The following ECH1 variants were observed in gnomAD, a reference collection of about 807,000 sequenced individuals.
ECH1 encodes delta(3,5)-Delta(2,4)-dienoyl-CoA isomerase, mitochondrial.
Under a neutral mutation model 37.0 loss-of-function variants are expected in ECH1, and 30 were observed. The ratio of observed to expected loss-of-function variants is 0.81; its 90% confidence interval spans 0.61 to 1.10. The LOEUF (loss-of-function observed/expected upper bound fraction) is 1.10, where lower values mean the gene tolerates loss of function less well. Ranked by LOEUF, ECH1 falls within the 50% of genes least tolerant of loss-of-function variation. The probability of loss-of-function intolerance (pLI) is 0.00; values close to 1 mark genes in which losing one functional copy is unlikely to be tolerated. For missense variants in ECH1, 456 were observed against 441.6 expected (o/e 1.03, Z -0.29); for synonymous variants, 178 against 176.0 (o/e 1.01, Z -0.09).
intron 3 of ECH1, among the ~76,000 whole-genome samples, chr19:38,823,584 G>A (rs759734089): frequency 6.6e-6 from 1 of 152,122 alleles, no homozygotes; most frequent in African/African-American, 2.4e-5. Flanking sequence ...AGTTGGGAGC[G>A]TTGGTTTGCC....
chr19:38,831,428 G>T lies in ECH1; in HGVS notation c.141C>A (p.Leu47=). ...SAQEEASGVA[L]GEAPDHSYES... ...CATAGCTGTGGTCTGGGGCTTCACC[G>T]AGGGCTACTCCGGAAGCCTCCTCTT... The change falls in exon 2 of 10, where the codon CTC becomes CTA. Residue 47 remains leucine (L), a synonymous_variant. Coordinates refer to ENST00000221418, the MANE Select transcript of ECH1 (RefSeq NM_001398.3). 6.2e-7 allele frequency: 1 copy of T among 1,614,084 alleles called. No individual in the cohort carries two copies. The highest frequency in any genetic ancestry group is 8.5e-7 in the Non-Finnish European group (1 of 1,180,032).
chr19:38,826,530 T>C (rs1971740802), intron 3 of ECH1, among the ~76,000 whole-genome samples: 1 of 152,244 alleles, frequency 6.6e-6, no homozygotes, highest in African/African-American at 2.4e-5. Context: ...TGCAAGATCT[T>C]AGACTCATCA....
At chr19:38,818,264 C>A in intron 3 of ECH1, 2 of 985,422 alleles carry the variant, frequency 2.0e-6, no homozygotes, top group Non-Finnish European at 2.4e-6. Flanking sequence ...GTGAGCAATG[C>A]AGTCAATGGT....
chr19:38,826,129 TC>T (rs1971735517), intron 3 of ECH1, among the ~76,000 whole-genome samples: 1 of 152,228 alleles, frequency 6.6e-6, no homozygotes, highest in African/African-American at 2.4e-5. Context: ...GAGACTTTGC[TC>T]TTTTCACATG....
At chr19:38,827,506 C>A (rs1971756807) in intron 3 of ECH1, among the ~76,000 whole-genome samples, 2 of 152,004 alleles carry the variant, frequency 1.3e-5, no homozygotes, top group Admixed American at 1.3e-4. Context: ...AGCCTGAGGG[C>A]AGACTGAAAT....
At position 38,817,054 on chromosome 19, in the gene ECH1, G is replaced by A. The variant is rs1971587365; in HGVS notation, c.588+11C>T. 1.3e-6 allele frequency: 2 copies of A among 1,565,068 alleles called. No homozygotes were observed. The highest frequency in any genetic ancestry group is 1.7e-6 in the Non-Finnish European group (2 of 1,155,072). On this transcript the variant is annotated intron_variant, in intron 6 of 9. Transcript: ENST00000221418. ...CCCAGCTCTAAGCAGGAGCTCGGGAGGATGACTCACCTTCACCTGGAAGAA... is the reference window on the plus strand; with the variant it reads ...CCCAGCTCTAAGCAGGAGCTCGGGAAGATGACTCACCTTCACCTGGAAGAA...
Position 38,831,127 on chromosome 19 carries a change from A to C in ECH1, c.300T>G (p.Ala100=). ...CAGAGATCACCACCGCCCGACAGTC[A>C]GCGTCTCTCGAAATCTTGTTGAAGC... ...VECFNKISRD[A]DCRAVVISGA... is the part of the protein sequence containing the mutation. Residue 100 remains alanine (A), a synonymous_variant, in exon 3 of 10, where the codon GCT becomes GCG. Coordinates refer to ENST00000221418, the MANE Select transcript of ECH1 (RefSeq NM_001398.3). 1 of 1,614,150 alleles carries C rather than the reference A, an allele frequency of 6.2e-7. No homozygotes were observed. The highest frequency in any genetic ancestry group is 8.5e-7 in the Non-Finnish European group (1 of 1,180,028).
chr19:38,815,583 C>T lies in ECH1; in HGVS notation c.*30G>A, dbSNP rs746738057. On this transcript the variant is annotated 3_prime_UTR_variant, in exon 10 of 10. Transcript: ENST00000221418. Reference sequence around the variant, plus strand: ...TGGATGAGGCGGGACAAGGCCGGCCCCCTGGCTGGGGCCTGGGACGCGAGG... The same window carrying T: ...TGGATGAGGCGGGACAAGGCCGGCCTCCTGGCTGGGGCCTGGGACGCGAGG... 6.2e-7 allele frequency: 1 copy of T among 1,610,106 alleles called. No individual in the cohort carries two copies. Among genetic ancestry groups the T allele is most frequent in the Non-Finnish European group, 8.5e-7 (1 of 1,176,700 alleles).
At chr19:38,829,285 CAAA>C (rs35813067) in intron 3 of ECH1, among the ~76,000 whole-genome samples, 5,322 of 64,094 alleles carry the variant, frequency 0.083, 453 homozygotes, top group African/African-American at 0.27. Context: ...ACTCCTTCTC[CAAA>C]AAAAAAAAAA....
chr19:38,823,492 G>C (rs1971694814), intron 3 of ECH1, among the ~76,000 whole-genome samples: 1 of 152,176 alleles, frequency 6.6e-6, no homozygotes, highest in African/African-American at 2.4e-5. Flanking sequence ...CCAGTTAAAA[G>C]TGACTAGCAT....
intron 9 of ECH1, 63 bp from the exon 10 acceptor site, chr19:38,815,780 G>A: frequency 5.6e-6 from 9 of 1,613,634 alleles, no homozygotes; most frequent in South Asian, 5.5e-5. Context: ...TCAGGATAAA[G>A]CATGAGAGCA....
At position 38,831,416 on chromosome 19, in the gene ECH1, T is replaced by C. The variant is rs149384635; in HGVS notation, c.153A>G (p.Pro51=). Residue 51 remains proline, a synonymous_variant, in exon 2 of 10, where the codon CCA becomes CCG. Transcript: ENST00000221418. ...EASGVALGEA[P]DHSYESLRVT... ...CACGAAGGGACTCATAGCTGTGGTC[T>C]GGGGCTTCACCGAGGGCTACTCCGG... The C allele has an allele frequency of 8.5e-4, 1,375 of 1,613,918 alleles. 1 individual carries two copies. The highest frequency in any genetic ancestry group is 1.1e-3 in the Non-Finnish European group (1,310 of 1,180,024).
At position 38,815,585 on chromosome 19, in the gene ECH1, C is replaced by T. The variant is rs543365587; in HGVS notation, c.*28G>A. ...GATGAGGCGGGACAAGGCCGGCCCC[C>T]TGGCTGGGGCCTGGGACGCGAGGGC... On this transcript the variant is annotated 3_prime_UTR_variant, in exon 10 of 10. Coordinates refer to ENST00000221418, the MANE Select transcript of ECH1 (RefSeq NM_001398.3). The T allele has an allele frequency of 2.3e-5, 37 of 1,609,218 alleles. No homozygotes were observed. Among genetic ancestry groups the T allele is most frequent in the Admixed American group, 8.4e-5 (5 of 59,842 alleles).
Position 38,831,741 on chromosome 19 carries a change from A to G in ECH1, c.32T>C (p.Leu11Pro), listed in dbSNP as rs1195346197. Reference sequence around the variant, plus strand: ...CTCACGCCGGGTCAGTAGGTCGCGGAGTCTGCGAGAAGCCACTATCCCCGC... The same window carrying G: ...CTCACGCCGGGTCAGTAGGTCGCGGGGTCTGCGAGAAGCCACTATCCCCGC... MAAGIVASRR[L>P]RDLLTRRLTG... The change falls in exon 1 of 10, where the codon CTC (leucine) becomes CCC (proline). Residue 11 changes from leucine (L) to proline (P), a missense_variant. Physicochemically the swap from Leu to Pro is moderately conservative, Grantham distance 98. Transcript: ENST00000221418. The G allele has an allele frequency of 1.9e-6, 3 of 1,613,304 alleles. No homozygotes were observed. The highest frequency in any genetic ancestry group is 1.7e-4 in the Middle Eastern group (1 of 6,056).
chr19:38,831,033 C>T (rs1211016712), intron 3 of ECH1, 45 bp downstream of exon 3: 1 of 1,571,562 alleles, frequency 6.4e-7, no homozygotes, highest in Non-Finnish European at 8.8e-7. Context: ...TGTCTATTGC[C>T]AGGAGCTAGG....
rs762410107 is a variant in ECH1, at chr19:38,815,717, C to G, written c.883G>C (p.Ala295Pro). The change falls in exon 10 of 10, where the codon GCG becomes CCG. Residue 295 changes from alanine to proline, a missense_variant and splice_region_variant. Transcript: ENST00000221418. ...TGCAGCATGCTCATGTTCCAGGACG[C>G]CTGGTACCGAGGGTGTTGAGAGAGA... The part of the protein sequence containing the change: ...HSVAESLNYV[A>P]SWNMSMLQTQ... 9 of 1,613,960 alleles carry G rather than the reference C, an allele frequency of 5.6e-6. No individual in the cohort carries two copies. In the Admixed American group the frequency reaches 8.3e-5, roughly 15 times the overall value.
At position 38,817,320 on chromosome 19, in the gene ECH1, G is replaced by A; in HGVS notation, c.519C>T (p.Gly173=). The change falls in exon 5 of 10, where the codon GGC becomes GGT. Residue 173 remains glycine, a synonymous_variant. Transcript: ENST00000221418. The part of the protein sequence containing the change: ...VIAAVHGGCI[G]GGVDLVTACD... The stretch of plus-strand genomic sequence containing the variant: ...GGAGGATAGCCGCAGACTCACCTCC[G>A]CCAATGCAGCCCCCATGGACGGCAG... The A allele has an allele frequency of 3.8e-6, 6 of 1,559,756 alleles. No homozygotes were observed. The highest frequency in any genetic ancestry group is 1.3e-5 in the African/African-American group (1 of 74,166).
At position 38,831,068 on chromosome 19, in the gene ECH1, C is replaced by T. The variant is rs1443912441; in HGVS notation, c.349+10G>A. On this transcript the variant is annotated intron_variant, in intron 3 of 9. Transcript: ENST00000221418. ...GAAGGCTGGCAGGGTGTGTGAAGAG[C>T]GTCTGGTACCTGCAGTGAACATTTT... is the stretch of plus-strand genomic sequence containing the variant. 1 of 1,613,040 alleles carries T rather than the reference C, an allele frequency of 6.2e-7. No homozygotes were observed. The highest frequency in any genetic ancestry group is 1.6e-4 in the Middle Eastern group (1 of 6,062).
chr19:38,817,043 G>A, intron 6 of ECH1, 22 bp downstream of exon 6: 1 of 1,559,956 alleles, frequency 6.4e-7, no homozygotes, highest in Middle Eastern at 1.7e-4. Flanking sequence ...GCTCTAAGCA[G>A]GAGCTCGGGA....
Sources: gnomAD v4.1 joint callset for allele counts (sites outside exome capture counted in the v4.1 genomes callset) on GRCh38, gnomAD v4.1.1 for gene constraint, MANE v1.5 for transcripts, NCBI Gene and HGNC (gene_info 2026-07-23, HGNC 2026-07-21) for gene names.